The following DAPK2 variants were observed in gnomAD, a reference collection of about 807,000 sequenced individuals.
DAPK2 encodes death associated protein kinase 2, also known as death-associated protein kinase 2.
DAPK2 carries 35 observed loss-of-function variants against 44.1 expected under a neutral mutation model. The observed-to-expected ratio is 0.79, with a 90% CI of 0.61 to 1.05. The LOEUF (loss-of-function observed/expected upper bound fraction) is 1.05, where lower values mean the gene tolerates loss of function less well. DAPK2 is among the 50% of genes least tolerant of loss of function. DAPK2 has a pLI of 0.00. For missense variants in DAPK2, 453 were observed against 483.2 expected (o/e 0.94, Z 0.59); for synonymous variants, 174 against 182.6 (o/e 0.95, Z 0.38).
Position 64,046,321 on chromosome 15 carries a change from T to A in DAPK2, c.-30A>T. On this transcript the variant is annotated 5_prime_UTR_variant, in exon 1 of 12. Coordinates refer to the DAPK2 transcript ENST00000457488. The surrounding 1 kb of genome is among the most constrained non-coding windows in gnomAD (Gnocchi z 5.3). ...ACGGCGGGAGGCTGAGCTGCCGCGG[T>A]CGCGGCCGCGGCAGGCGCGGCGGGA... 1 of 948,848 alleles carries A rather than the reference T, an allele frequency of 1.1e-6. No individual in the cohort carries two copies. 58.8% of individuals were successfully genotyped at this position (948,848 alleles called of 1,614,324 possible). A position where few individuals can be genotyped will look rare whatever the true frequency, so the allele number is the denominator to read the frequency against.
chr15:64,006,175 G>C (rs2079224866), intron 1 of DAPK2, among the ~76,000 whole-genome samples: 1 of 152,042 alleles, frequency 6.6e-6, no homozygotes, highest in Non-Finnish European at 1.5e-5. Context: ...ACACTGAGTG[G>C]TCTCCGCTCA....
At chr15:64,030,833 G>C (rs332238) in intron 1 of DAPK2, among the ~76,000 whole-genome samples, 5,837 of 152,134 alleles carry the variant, frequency 0.038, 354 homozygotes, top group African/African-American at 0.13. Context: ...TCAAAGTCTA[G>C]GGCACATGCC....
chr15:63,929,902 C>A, intron 5 of DAPK2: 1 of 505,922 alleles, frequency 2.0e-6, no homozygotes, highest in Non-Finnish European at 3.8e-6. Flanking sequence ...ATAACTACCT[C>A]ACAGGACTGT....
At chr15:63,987,400 G>A (rs1399880256) in intron 1 of DAPK2, among the ~76,000 whole-genome samples, 1 of 152,174 alleles carries the variant, frequency 6.6e-6, no homozygotes, top group Admixed American at 6.5e-5. Context: ...CATCCAGGGA[G>A]GGAGCAGAAG....
intron 1 of DAPK2, among the ~76,000 whole-genome samples, chr15:63,996,704 C>T (rs1220740688): frequency 2.6e-5 from 4 of 152,280 alleles, no homozygotes; most frequent in Non-Finnish European, 2.9e-5. Flanking sequence ...CAGCAGAGCA[C>T]GACTTCCAAA....
chr15:64,035,367 G>T (rs542518195), intron 1 of DAPK2, among the ~76,000 whole-genome samples: 2 of 152,084 alleles, frequency 1.3e-5, no homozygotes, highest in South Asian at 2.1e-4. Context: ...CTTCCCAAAG[G>T]CTCATCCTTC....
chr15:63,911,600 T>G, intron 10 of DAPK2: 1 of 401,814 alleles, frequency 2.5e-6, no homozygotes, highest in South Asian at 4.5e-5. Context: ...CAGAAATACA[T>G]TTTGGGTTGT....
At chr15:64,028,595 T>C (rs2079920256) in intron 1 of DAPK2, among the ~76,000 whole-genome samples, 1 of 152,232 alleles carries the variant, frequency 6.6e-6, no homozygotes, top group Non-Finnish European at 1.5e-5. Context: ...TGGTATTAAA[T>C]GTCCTGAATT....
In DAPK2 at chr15:63,930,581, A is replaced by C. The variant is rs2079515098; in HGVS notation, c.584-126T>G. ...GAATCTCCAGGAAAATTAGAGCAGC[A>C]GATAAAGGTGATCTGCATCTAAGAT... On this transcript the variant is annotated intron_variant, in intron 4 of 10. Coordinates refer to ENST00000261891, the Ensembl canonical transcript of DAPK2. The C allele has an allele frequency of 3.5e-6, 3 of 850,892 alleles. No individual in the cohort carries two copies. In the Admixed American group the frequency reaches 6.2e-5, roughly 18 times the overall value. The allele number at this position is 850,892 out of a possible 1,614,324, so 52.7% of individuals were successfully genotyped here. A position where few individuals can be genotyped will look rare whatever the true frequency, so the allele number is the denominator to read the frequency against.
chr15:64,012,774 T>C (rs759772501), intron 1 of DAPK2, among the ~76,000 whole-genome samples: 1 of 152,220 alleles, frequency 6.6e-6, no homozygotes, highest in East Asian at 1.9e-4. Context: ...TTATGAGGAA[T>C]AGGACTAGAG....
chr15:63,967,210 C>T (rs933065626), intron 3 of DAPK2, among the ~76,000 whole-genome samples: 1 of 151,850 alleles, frequency 6.6e-6, no homozygotes, highest in Admixed American at 6.6e-5. Context: ...TAAAATAAAA[C>T]AATAAATAAA....
intron 2 of DAPK2, among the ~76,000 whole-genome samples, chr15:63,974,098 T>G (rs757738832): frequency 1.3e-5 from 2 of 152,236 alleles, no homozygotes; most frequent in Non-Finnish European, 2.9e-5. Context: ...TTTCACACTC[T>G]ACATTCTTGC....
intron 1 of DAPK2, among the ~76,000 whole-genome samples, chr15:64,033,035 A>G (rs1478571493): frequency 1.3e-5 from 2 of 152,090 alleles, no homozygotes; most frequent in African/African-American, 4.8e-5. Context: ...GCAGTGAGCC[A>G]AGATAGCACC....
chr15:63,947,150 G>T (rs909775183), intron 3 of DAPK2, among the ~76,000 whole-genome samples: 27 of 152,150 alleles, frequency 1.8e-4, no homozygotes, highest in Non-Finnish European at 2.4e-4. Flanking sequence ...CACTCTGCTG[G>T]AACAGCCTTC....
Position 64,013,410 on chromosome 15 carries a change from T to C in DAPK2, c.92+26760A>G, listed in dbSNP as rs1458216128. On this transcript the variant is annotated intron_variant, in intron 1 of 10. Coordinates refer to ENST00000261891, the Ensembl canonical transcript of DAPK2. This position sits in a 1 kb window ranked among gnomAD's most constrained non-coding sequence, Gnocchi z 4.7. ...AACAGCTTAAACTACACTACGTGCC[T>C]TTAAGACTTAGTAATTGGGCAGAAA... is the stretch of plus-strand genomic sequence containing the variant. Among the ~76,000 whole-genome samples the C allele has an allele frequency of 6.6e-6, 1 of 152,218 alleles. No individual in the cohort carries two copies. Among genetic ancestry groups the C allele is most frequent in the Non-Finnish European group, 1.5e-5 (1 of 68,046 alleles).
chr15:63,924,720 G>T, intron 8 of DAPK2, 96 bp downstream of exon 9: 1 of 1,370,412 alleles, frequency 7.3e-7, no homozygotes, highest in Non-Finnish European at 1.0e-6. Context: ...TAAAGCAAAG[G>T]CCTCTCCATG....
intron 3 of DAPK2, among the ~76,000 whole-genome samples, chr15:63,961,087 TTTACCA>T (rs1397188866): frequency 6.6e-6 from 1 of 152,226 alleles, no homozygotes; most frequent in East Asian, 1.9e-4. Flanking sequence ...AATTGATCCC[TTTACCA>T]TTACGTAATG....
At chr15:64,042,098 C>T (rs939267607), upstream of DAPK2, among the ~76,000 whole-genome samples, 4 of 152,212 alleles carry the variant, frequency 2.6e-5, no homozygotes, top group Non-Finnish European at 5.9e-5. This position sits in a 1 kb window ranked among gnomAD's most constrained non-coding sequence, Gnocchi z 4.7. Context: ...TGGGACTCAT[C>T]CCCTCACCTG....
intron 3 of DAPK2, among the ~76,000 whole-genome samples, chr15:63,944,201 C>A (rs1270581920): frequency 1.3e-5 from 2 of 152,124 alleles, no homozygotes; most frequent in Admixed American, 6.5e-5. Context: ...GGCCGTGGGG[C>A]AGTAGGAATG....
Sources: allele counts gnomAD v4.1 joint callset (sites outside exome capture counted in the v4.1 genomes callset), GRCh38; gene constraint gnomAD v4.1.1; non-coding constraint Gnocchi (gnomAD v3.1); transcripts MANE v1.5; gene names NCBI Gene and HGNC (gene_info 2026-07-23, HGNC 2026-07-21).